TNNI3K: variants seen among roughly 807,000 people sequenced by gnomAD.
TNNI3K encodes the protein serine/threonine-protein kinase TNNI3K.
A neutral mutation model predicts 114.5 loss-of-function variants in TNNI3K; 140 were observed. The ratio of observed to expected loss-of-function variants is 1.22; its 90% confidence interval spans 1.07 to 1.41. The LOEUF (loss-of-function observed/expected upper bound fraction) is 1.41, where lower values mean the gene tolerates loss of function less well. TNNI3K is among the 40% of genes most tolerant of loss of function. TNNI3K has a pLI of 0.00. For synonymous variants in TNNI3K, 347 were observed against 347.5 expected (o/e 1.00, Z 0.02); for missense variants, 1,125 against 1,007.6 (o/e 1.12, Z -1.58).
At chr1:74,421,436 G>C (rs149025722) in intron 17 of TNNI3K, among the ~76,000 whole-genome samples, 2 of 152,188 alleles carry the variant, frequency 1.3e-5, no homozygotes, top group East Asian at 3.9e-4. Context: ...TGGCAAGGTA[G>C]CTCTTAGAGA....
At chr1:74,429,083 A>C (rs1362490727) in intron 17 of TNNI3K, among the ~76,000 whole-genome samples, 1 of 152,100 alleles carries the variant, frequency 6.6e-6, no homozygotes, top group East Asian at 1.9e-4. Flanking sequence ...CTGACAGTCC[A>C]GTTACCACAT....
intron 23 of TNNI3K, among the ~76,000 whole-genome samples, chr1:74,516,357 A>G (rs1443405402): frequency 1.3e-5 from 2 of 152,212 alleles, no homozygotes; most frequent in African/African-American, 4.8e-5. Context: ...ATGAAAATAA[A>G]GGAAAAATAA....
At chr1:74,409,363 C>A (rs1420638386) in intron 17 of TNNI3K, among the ~76,000 whole-genome samples, 1 of 152,002 alleles carries the variant, frequency 6.6e-6, no homozygotes, top group Non-Finnish European at 1.5e-5. Flanking sequence ...TACCTTGCTA[C>A]CTTTTTTTGA....
chr1:74,497,624 C>T lies in TNNI3K; in HGVS notation c.2351+5358C>T, dbSNP rs552763339. Among the ~76,000 whole-genome samples, 21 of 151,496 alleles carry T rather than the reference C, an allele frequency of 1.4e-4. No homozygotes were observed. The South Asian group carries it at 4.2e-3, about 30-fold the overall frequency. ...CACATCTACACACACATACATTCCT[C>T]CACACACACAATTGAACCCCAGATC... On this transcript the variant is annotated intron_variant, in intron 23 of 24. Transcript: ENST00000326637.
chr1:74,471,869 A>G, intron 21 of TNNI3K: 1 of 452,500 alleles, frequency 2.2e-6, no homozygotes, highest in Non-Finnish European at 3.9e-6. Flanking sequence ...TCTTTCATGT[A>G]ATCTTCAAAT....
intron 21 of TNNI3K, among the ~76,000 whole-genome samples, chr1:74,485,568 T>G (rs1387659230): frequency 6.6e-6 from 1 of 152,170 alleles, no homozygotes; most frequent in Non-Finnish European, 1.5e-5. Flanking sequence ...TCCTTCAGTG[T>G]GGGCAGAACC....
At chr1:74,308,884 A>C (rs1658810531) in intron 5 of TNNI3K, among the ~76,000 whole-genome samples, 3 of 152,206 alleles carry the variant, frequency 2.0e-5, no homozygotes, top group Admixed American at 2.0e-4. Flanking sequence ...CTCTGTGTAC[A>C]CAAACTAGAA....
Position 74,491,746 on chromosome 1 carries a change from C to A in TNNI3K, c.2182-351C>A, listed in dbSNP as rs1669088848. Among the ~76,000 whole-genome samples the A allele has an allele frequency of 2.0e-5, 3 of 152,310 alleles. No homozygotes were observed. The South Asian group carries it at 6.2e-4, about 32-fold the overall frequency. On this transcript the variant is annotated intron_variant, in intron 22 of 24. Transcript: ENST00000326637. ...ATTTTAGCTATGATTTAAAGGAACT[C>A]TGCCATAAATCTTATTGCCATAGTG...
At chr1:74,254,681 T>TA (rs1655164502) in intron 4 of TNNI3K, among the ~76,000 whole-genome samples, 1 of 152,160 alleles carries the variant, frequency 6.6e-6, no homozygotes, top group South Asian at 2.1e-4. Context: ...GACTCATTGT[T>TA]AGAGGAAAGG....
At chr1:74,435,976 G>T in intron 17 of TNNI3K, 104 bp from the exon 18 acceptor site, 2 of 1,435,552 alleles carry the variant, frequency 1.4e-6, no homozygotes, top group South Asian at 3.0e-5. Flanking sequence ...TATTCTCTAG[G>T]GCAAACAAAT....
intron 23 of TNNI3K, among the ~76,000 whole-genome samples, chr1:74,507,231 C>CG (rs1553153846): frequency 2.1e-5 from 3 of 141,050 alleles, no homozygotes; most frequent in African/African-American, 7.6e-5. Context: ...TCACCCCCCC[C>CG]CCATCTTTTT....
At chr1:74,353,383 A>G (rs199903233) in intron 10 of TNNI3K, 23 bp downstream of exon 10, 9 of 1,611,834 alleles carry the variant, frequency 5.6e-6, no homozygotes, top group Middle Eastern at 3.3e-4. Flanking sequence ...TGAAAACACC[A>G]CTAGTTCTAT....
intron 13 of TNNI3K, among the ~76,000 whole-genome samples, chr1:74,368,421 A>G (rs1662396643): frequency 6.6e-6 from 1 of 151,930 alleles, no homozygotes; most frequent in Non-Finnish European, 1.5e-5. Flanking sequence ...AAATGTAAAT[A>G]TATATTTAAC....
intron 21 of TNNI3K, among the ~76,000 whole-genome samples, chr1:74,478,965 C>T (rs1668342558): frequency 6.6e-6 from 1 of 152,174 alleles, no homozygotes; most frequent in Non-Finnish European, 1.5e-5. Context: ...AGTTGGATTA[C>T]TGCTGATGGT....
intron 9 of TNNI3K, among the ~76,000 whole-genome samples, chr1:74,351,528 G>T (rs201254987): frequency 6.6e-6 from 1 of 152,010 alleles, no homozygotes; most frequent in African/African-American, 2.4e-5. Context: ...TGCTAGATTG[G>T]GGAAGTTCTC....
At chr1:74,277,589 C>A (rs1656761446) in intron 5 of TNNI3K, among the ~76,000 whole-genome samples, 1 of 152,050 alleles carries the variant, frequency 6.6e-6, no homozygotes, top group African/African-American at 2.4e-5. Context: ...ACACACACAC[C>A]TCAAGTGTAA....
intron 5 of TNNI3K, among the ~76,000 whole-genome samples, chr1:74,317,426 T>G (rs1265536579): frequency 6.6e-6 from 1 of 152,244 alleles, no homozygotes; most frequent in Admixed American, 6.5e-5. Context: ...GTAAAATTAT[T>G]ATTTCCACTT....
chr1:74,249,402 G>T, intron 2 of TNNI3K, 57 bp from the exon 3 acceptor site: 1 of 1,527,414 alleles, frequency 6.5e-7, no homozygotes, highest in Admixed American at 2.0e-5. Context: ...ATTTTCAAAT[G>T]AAAGACAATA....
intron 2 of TNNI3K, 21 bp from the exon 3 acceptor site, chr1:74,249,438 T>C: frequency 6.2e-7 from 1 of 1,608,254 alleles, no homozygotes. Context: ...TTTGTGATCA[T>C]CTGTAACATG....
Sources: allele counts gnomAD v4.1 joint callset (sites outside exome capture counted in the v4.1 genomes callset), GRCh38; gene constraint gnomAD v4.1.1; transcripts MANE v1.5; gene names NCBI Gene and HGNC (gene_info 2026-07-23, HGNC 2026-07-21).